SMG5: variants seen among roughly 807,000 people sequenced by gnomAD.
SMG5 encodes the protein nonsense-mediated mRNA decay factor SMG5.
Under a neutral mutation model 122.9 loss-of-function variants are expected in SMG5, and 53 were observed. The observed-to-expected ratio is 0.43, with a 90% CI of 0.35 to 0.54. The LOEUF is 0.54. SMG5 is among the 20% of genes least tolerant of loss of function. The probability of loss-of-function intolerance (pLI) is 0.01; values close to 1 mark genes in which losing one functional copy is unlikely to be tolerated. For synonymous variants in SMG5, 477 were observed against 490.2 expected (o/e 0.97, Z 0.35); for missense variants, 1,153 against 1,285.6 (o/e 0.90, Z 1.58).
In SMG5 at chr1:156,250,926, T is replaced by G; in HGVS notation, c.2899A>C (p.Ser967Arg). Reference protein sequence around the residue: ...LAQGAGEEDPSGMVTIITGLP... With the variant: ...LAQGAGEEDPRGMVTIITGLP... ...CCTGTGATGATGGTCACCATGCCAC[T>G]CGGATCCTCCTCACCTGCCCCCTGG... Residue 967 changes from serine to arginine, a missense_variant, in exon 21 of 22, where the codon AGT becomes CGT. Coordinates refer to ENST00000361813, the MANE Select transcript of SMG5 (RefSeq NM_015327.3). 6.2e-7 allele frequency: 1 copy of G among 1,613,942 alleles called. No homozygotes were observed. Among genetic ancestry groups the G allele is most frequent in the Admixed American group, 1.7e-5 (1 of 60,008 alleles).
chr1:156,277,308 C>A, intron 3 of SMG5, 67 bp from the exon 4 acceptor site: 2 of 1,521,074 alleles, frequency 1.3e-6, no homozygotes, highest in South Asian at 1.3e-5. Context: ...CCCTCCCTTA[C>A]CCTGTTCATC....
At chr1:156,291,510 A>C in the SMG5 span, 4 of 1,609,806 alleles carry the variant, frequency 2.5e-6, no homozygotes, top group Non-Finnish European at 3.4e-6. Context: ...GTGGAGCCGG[A>C]GCGCATGCTC....
At chr1:156,276,931 T>C (rs758353449) in intron 4 of SMG5, among the ~76,000 whole-genome samples, 154 bp downstream of exon 4, 49 of 152,356 alleles carry the variant, frequency 3.2e-4, no homozygotes, top group Non-Finnish European at 5.6e-4. Context: ...CATATGATTG[T>C]CTGGATAAAT....
At chr1:156,266,417 C>A in intron 11 of SMG5, 37 bp from the exon 12 acceptor site, 1 of 1,601,438 alleles carries the variant, frequency 6.2e-7, no homozygotes, top group Non-Finnish European at 8.5e-7. Context: ...GCCCGAGGAA[C>A]AGGTGGAGCC....
chr1:156,277,812 T>C (rs1264484747), intron 3 of SMG5, 113 bp downstream of exon 3: 1 of 1,427,342 alleles, frequency 7.0e-7, no homozygotes. Context: ...GTGCCCAGCC[T>C]CTTACTGCCA....
Position 156,263,429 on chromosome 1 carries a change from C to T in SMG5, c.1997G>A (p.Arg666Gln), listed in dbSNP as rs370569638. ...PAVKVFLDWL[R>Q]TNPDLIIVCA... The stretch of plus-strand genomic sequence containing the variant: ...CACGATGATGAGGTCGGGGTTGGTC[C>T]GAAGCCAGTCCAGGAAGACTTTCAC... The change falls in exon 13 of 22, where the codon CGG (arginine) becomes CAG (glutamine). Residue 666 changes from arginine (R) to glutamine (Q), a missense_variant. Around this residue, in one of 5 missense-constraint regions of SMG5, gnomAD observed 631 missense variants for 650.6 expected, o/e 0.97. Transcript: ENST00000361813. The T allele has an allele frequency of 1.9e-5, 31 of 1,614,038 alleles. No individual in the cohort carries two copies. The highest frequency in any genetic ancestry group is 8.9e-5 in the East Asian group (4 of 44,894).
intron 17 of SMG5, 76 bp downstream of exon 17, chr1:156,253,373 G>T: frequency 1.4e-6 from 2 of 1,454,324 alleles, no homozygotes; most frequent in South Asian, 2.3e-5. Flanking sequence ...TACAGCGGAA[G>T]GGGGAGACCT....
intron 16 of SMG5, among the ~76,000 whole-genome samples, chr1:156,256,424 GCC>G (rs1316651380): frequency 1.3e-5 from 2 of 151,014 alleles, no homozygotes; most frequent in Admixed American, 6.6e-5. Flanking sequence ...TTTCTCACAG[GCC>G]CTGTGGGCAA....
chr1:156,267,728 A>G (rs1268274478), intron 9 of SMG5, 50 bp from the exon 10 acceptor site: 1 of 1,477,742 alleles, frequency 6.8e-7, no homozygotes, highest in Non-Finnish European at 9.3e-7. Flanking sequence ...GGGCTGGGGA[A>G]GGAGAAGAGC....
In SMG5 at chr1:156,272,242, G is replaced by A; in HGVS notation, c.713+78C>T. On this transcript the variant is annotated intron_variant, in intron 7 of 21. Transcript: ENST00000361813. ...ATCTCAGCCACAGCTAGAGGAAGGA[G>A]GAAGGGAAGACGGAAAACAAAGCCA... 19 of 1,295,254 alleles carry A rather than the reference G, an allele frequency of 1.5e-5. No homozygotes were observed. In the South Asian group the frequency reaches 1.9e-4, roughly 13 times the overall value. The allele number at this position is 1,295,254 out of a possible 1,614,324, so 80.2% of individuals were successfully genotyped here.
intron 1 of SMG5, among the ~76,000 whole-genome samples, chr1:156,280,020 T>G (rs1318391254): frequency 6.6e-6 from 1 of 152,172 alleles, no homozygotes; most frequent in Non-Finnish European, 1.5e-5. Context: ...AGCTAATACA[T>G]AAAGCACCCA....
In SMG5 at chr1:156,260,493, A is replaced by T; in HGVS notation, c.2241T>A (p.Phe747Leu). The T allele has an allele frequency of 6.3e-7, 1 of 1,592,962 alleles. No individual in the cohort carries two copies. Among genetic ancestry groups the T allele is most frequent in the Non-Finnish European group, 8.5e-7 (1 of 1,172,374 alleles). ...LPPLRAAHRR[F>L]NFDTDRPLLS... ...GCAGGGGCCGATCCGTGTCAAAGTT[A>T]AAGCGTCTGTGGGCAGCTCGGAGCG... Residue 747 changes from phenylalanine (F) to leucine (L), a missense_variant, in exon 15 of 22, where the codon TTT becomes TTA. By Grantham distance (22) the Phe-to-Leu change is conservative. Transcript: ENST00000361813.
Position 156,268,426 on chromosome 1 carries a change from T to TA in SMG5, c.714-12dup. 1.2e-6 allele frequency: 2 copies of TA among 1,613,096 alleles called. No individual in the cohort carries two copies. The highest frequency in any genetic ancestry group is 1.7e-6 in the Non-Finnish European group (2 of 1,179,740). On this transcript the variant is annotated splice_polypyrimidine_tract_variant and intron_variant, in intron 7 of 21. Coordinates refer to ENST00000361813, the MANE Select transcript of SMG5 (RefSeq NM_015327.3). The stretch of plus-strand genomic sequence containing the variant: ...ACTTCTGACTGGATGCTGTAAGAGA[T>TA]AGAGGTGAGCTACTGAGTCTTGGCA...
At chr1:156,256,307 TC>T (rs1234053600) in intron 16 of SMG5, among the ~76,000 whole-genome samples, 2 of 105,340 alleles carry the variant, frequency 1.9e-5, no homozygotes, top group South Asian at 3.0e-4. Context: ...AGCCATCTTC[TC>T]TCTTTTTTTT....
At chr1:156,263,372 G>C in intron 13 of SMG5, 23 bp downstream of exon 13, 5 of 1,598,494 alleles carry the variant, frequency 3.1e-6, no homozygotes, top group Non-Finnish European at 4.3e-6. Context: ...ACCTGACAGG[G>C]GCAATGGAGT....
At chr1:156,284,074 C>T (rs972435307), upstream of SMG5, among the ~76,000 whole-genome samples, 2 of 152,234 alleles carry the variant, frequency 1.3e-5, no homozygotes, top group African/African-American at 4.8e-5. Context: ...CCCTTTGTTG[C>T]ACAAATCCAC....
Position 156,274,680 on chromosome 1 carries a change from T to C in SMG5, c.461A>G (p.Lys154Arg). Reference sequence around the variant, plus strand: ...CTTCCCTGAGGCAGACACTGGCTTCTTGCATCCTATGAGACAAAGAGAAAG... The same window carrying C: ...CTTCCCTGAGGCAGACACTGGCTTCCTGCATCCTATGAGACAAAGAGAAAG... ...THVTDPLIGC[K>R]KPVSASGKEM... Residue 154 changes from lysine (K) to arginine (R), a missense_variant, in exon 5 of 22, where the codon AAG (lysine) becomes AGG (arginine). Physicochemically the swap from Lys to Arg is conservative, Grantham distance 26. Transcript: ENST00000361813. 2 of 1,613,700 alleles carry C rather than the reference T, an allele frequency of 1.2e-6. No individual in the cohort carries two copies. Among genetic ancestry groups the C allele is most frequent in the Non-Finnish European group, 1.7e-6 (2 of 1,179,638 alleles).
chr1:156,278,970 C>T lies in SMG5; in HGVS notation c.139G>A (p.Val47Ile), dbSNP rs1193386495. The change falls in exon 2 of 22, where the codon GTA becomes ATA. Residue 47 changes from valine to isoleucine, a missense_variant. This residue lies in a region of SMG5 where 213 missense variants were observed against 197.5 expected (regional missense o/e 1.08). Coordinates refer to ENST00000361813, the MANE Select transcript of SMG5 (RefSeq NM_015327.3). ...AGGCTAATGTTTTCTGGTTTGAATACTTCTTGATAAGCAGTTTTGTTGCAA... is the reference window on the plus strand; with the variant it reads ...AGGCTAATGTTTTCTGGTTTGAATATTTCTTGATAAGCAGTTTTGTTGCAA... ...ILCNKTAYQE[V>I]FKPENISLRN... is the part of the protein sequence containing the mutation. 2 of 1,614,076 alleles carry T rather than the reference C, an allele frequency of 1.2e-6. No homozygotes were observed. Among genetic ancestry groups the T allele is most frequent in the Admixed American group, 3.3e-5 (2 of 60,000 alleles).
Position 156,267,564 on chromosome 1 carries a change from C to A in SMG5, c.1023G>T (p.Glu341Asp). The part of the protein sequence containing the change: ...PNLSLASEDE[E>D]EYESGYAFLP... ...GGAAAGCATATCCACTCTCATACTC[C>A]TCCTCATCCTCACTGGCCAGGCTGA... Residue 341 changes from glutamate (E) to aspartate (D), a missense_variant, in exon 10 of 22, where the codon GAG becomes GAT. Transcript: ENST00000361813. The A allele has an allele frequency of 1.2e-6, 2 of 1,614,084 alleles. No individual in the cohort carries two copies. Among genetic ancestry groups the A allele is most frequent in the Non-Finnish European group, 1.7e-6 (2 of 1,180,020 alleles).
Sources: gnomAD v4.1 joint callset for allele counts (sites outside exome capture counted in the v4.1 genomes callset) on GRCh38, gnomAD v4.1.1 for gene constraint, gnomAD v4.1.1 regional missense constraint, MANE v1.5 for transcripts, NCBI Gene and HGNC (gene_info 2026-07-23, HGNC 2026-07-21) for gene names.